SND1: variants seen among roughly 807,000 people sequenced by gnomAD.
The protein encoded by SND1 is staphylococcal nuclease domain-containing protein 1.
In SND1, 38 loss-of-function variants were observed where a neutral mutation model predicts 121.7. The observed-to-expected ratio is 0.31, with a 90% confidence interval of 0.24 to 0.41. The LOEUF (loss-of-function observed/expected upper bound fraction) is 0.41. Ranked by LOEUF, SND1 falls within the 10% of genes least tolerant of loss-of-function variation. SND1 has a pLI of 1.00. For missense variants in SND1, 868 were observed against 1,184.6 expected (o/e 0.73, Z 3.92); for synonymous variants, 401 against 447.4 (o/e 0.90, Z 1.31).
At chr7:128,020,518 T>C (rs900887199) in intron 16 of SND1, among the ~76,000 whole-genome samples, 2 of 152,190 alleles carry the variant, frequency 1.3e-5, no homozygotes, top group Non-Finnish European at 2.9e-5. Flanking sequence ...ATAAATAAAA[T>C]GTGAGGGTTC....
intron 13 of SND1, among the ~76,000 whole-genome samples, chr7:127,890,243 T>C (rs996268594): frequency 6.6e-6 from 1 of 152,138 alleles, no homozygotes; most frequent in Non-Finnish European, 1.5e-5. Flanking sequence ...TGATACCTCA[T>C]TGTAGTTTTG....
At chr7:128,040,535 G>A (rs1197100636) in intron 16 of SND1, among the ~76,000 whole-genome samples, 1 of 144,986 alleles carries the variant, frequency 6.9e-6, no homozygotes, top group Non-Finnish European at 1.5e-5. Flanking sequence ...ATATTCTAGA[G>A]CCCCTTAACT....
Position 128,029,393 on chromosome 7 carries a change from AAGC to A in SND1, c.1779+38342_1779+38344del. ...TGCATGTGTACACCCCAGTGTCTGA[AAGC>A]AGCACGTGGGAAAAGTTCAAGGTGC... is the stretch of plus-strand genomic sequence containing the variant. On this transcript the variant is annotated intron_variant, in intron 16 of 23. Coordinates refer to ENST00000354725, the MANE Select transcript of SND1 (RefSeq NM_014390.4). This position sits in a 1 kb window ranked among gnomAD's most constrained non-coding sequence, Gnocchi z 4.2. 6.2e-7 allele frequency: 1 copy of A among 1,614,148 alleles called. No individual in the cohort carries two copies. Among genetic ancestry groups the A allele is most frequent in the Non-Finnish European group, 8.5e-7 (1 of 1,180,022 alleles).
intron 13 of SND1, among the ~76,000 whole-genome samples, chr7:127,889,363 A>G (rs1247215452): frequency 6.6e-6 from 1 of 150,420 alleles, no homozygotes; most frequent in South Asian, 2.1e-4. Context: ...TTTTTTTTTT[A>G]ATTTTTTTAA....
intron 1 of SND1, among the ~76,000 whole-genome samples, chr7:127,659,718 A>G (rs926387871): frequency 2.6e-5 from 4 of 152,220 alleles, no homozygotes; most frequent in African/African-American, 9.6e-5. Flanking sequence ...CATGGCAGAG[A>G]GAAGAGATCA....
At chr7:128,073,206 G>A (rs1773087247) in intron 16 of SND1, among the ~76,000 whole-genome samples, 1 of 152,220 alleles carries the variant, frequency 6.6e-6, no homozygotes, top group Non-Finnish European at 1.5e-5. Context: ...TCCCTTAATA[G>A]CTACACTTCT....
chr7:127,904,010 A>C (rs1159779261), intron 13 of SND1, among the ~76,000 whole-genome samples: 2 of 152,098 alleles, frequency 1.3e-5, no homozygotes, highest in African/African-American at 4.8e-5. Flanking sequence ...CAAGTAATTC[A>C]CCAGTCAGCT....
At chr7:127,757,475 T>A (rs771466672) in intron 10 of SND1, among the ~76,000 whole-genome samples, 24 of 152,236 alleles carry the variant, frequency 1.6e-4, no homozygotes, top group Non-Finnish European at 3.1e-4. Flanking sequence ...GATGAATGTT[T>A]AGCTGTGGTT....
intron 11 of SND1, among the ~76,000 whole-genome samples, chr7:127,838,675 A>G (rs1306078740): frequency 1.3e-5 from 2 of 152,228 alleles, no homozygotes; most frequent in Admixed American, 6.5e-5. Flanking sequence ...ATGAATATGT[A>G]TGAAGTACTA....
intron 12 of SND1, among the ~76,000 whole-genome samples, chr7:127,869,082 G>A (rs751033370): frequency 3.3e-5 from 5 of 152,152 alleles, no homozygotes; most frequent in African/African-American, 1.2e-4. Context: ...AGAGTTGAGG[G>A]AGGTATTCCA....
At chr7:127,751,312 C>T (rs75382386) in intron 10 of SND1, among the ~76,000 whole-genome samples, 198 of 152,142 alleles carry the variant, frequency 1.3e-3, no homozygotes, top group African/African-American at 4.4e-3. Flanking sequence ...GGCTTGTCTC[C>T]GATACTTGAG....
At chr7:127,867,333 A>G (rs1158040403) in intron 12 of SND1, among the ~76,000 whole-genome samples, 1 of 152,124 alleles carries the variant, frequency 6.6e-6, no homozygotes, top group Non-Finnish European at 1.5e-5. Flanking sequence ...TACAACTCTG[A>G]TAACTTTTTC....
intron 13 of SND1, among the ~76,000 whole-genome samples, chr7:127,901,104 G>A (rs938752654): frequency 1.3e-5 from 2 of 152,200 alleles, no homozygotes; most frequent in African/African-American, 4.8e-5. Context: ...GTGGAAGCCA[G>A]CCTGCGGTCT....
intron 15 of SND1, among the ~76,000 whole-genome samples, chr7:127,986,617 G>A (rs948536599): frequency 6.6e-6 from 1 of 152,126 alleles, no homozygotes; most frequent in Admixed American, 6.5e-5. Context: ...GTTTTGTTTT[G>A]TTTCAAATAG....
At chr7:127,819,682 A>G (rs1798512508) in intron 11 of SND1, among the ~76,000 whole-genome samples, 1 of 152,116 alleles carries the variant, frequency 6.6e-6, no homozygotes, top group Non-Finnish European at 1.5e-5. Context: ...CTCTCTAAAA[A>G]CAGAAGGAAC....
At chr7:127,711,618 AGTT>A (rs1403809960) in intron 9 of SND1, among the ~76,000 whole-genome samples, 4 of 151,978 alleles carry the variant, frequency 2.6e-5, no homozygotes, top group Non-Finnish European at 4.4e-5. Context: ...CTCAATGTTT[AGTT>A]GTTTTGTTCT....
intron 11 of SND1, among the ~76,000 whole-genome samples, chr7:127,833,424 C>G (rs1798802022): frequency 6.6e-6 from 1 of 152,022 alleles, no homozygotes; most frequent in South Asian, 2.1e-4. Flanking sequence ...ACCACCATGC[C>G]TGGCTAATTT....
chr7:128,069,572 C>T (rs1793373270), intron 16 of SND1, among the ~76,000 whole-genome samples: 1 of 152,180 alleles, frequency 6.6e-6, no homozygotes, highest in African/African-American at 2.4e-5. Context: ...CTTCCTTCCC[C>T]ATGGAGCTGA....
intron 16 of SND1, among the ~76,000 whole-genome samples, chr7:128,000,368 CT>C (rs34812649): frequency 1.2e-3 from 158 of 135,140 alleles, no homozygotes; most frequent in Non-Finnish European, 1.0e-3. Flanking sequence ...GCTTTTGCTT[CT>C]TTTTTTTTTT....
Sources: gnomAD v4.1 joint callset for allele counts (sites outside exome capture counted in the v4.1 genomes callset) on GRCh38, gnomAD v4.1.1 for gene constraint, Gnocchi (gnomAD v3.1) non-coding constraint, MANE v1.5 for transcripts, NCBI Gene and HGNC (gene_info 2026-07-23, HGNC 2026-07-21) for gene names.